The following UNC79 variants were observed in gnomAD, a reference collection of about 807,000 sequenced individuals.
The protein encoded by UNC79 is protein unc-79 homolog.
Under a neutral mutation model 283.1 loss-of-function variants are expected in UNC79, and 37 were observed. That is an observed-to-expected ratio of 0.13 (90% CI 0.10 to 0.17). UNC79 has a LOEUF of 0.17. UNC79 is among the 10% of genes least tolerant of loss of function. The pLI is 1.00. For missense variants in UNC79, 2,272 were observed against 3,211.1 expected (o/e 0.71, Z 7.07); for synonymous variants, 1,107 against 1,200.2 (o/e 0.92, Z 1.61).
chr14:93,591,675 A>G (rs1163976909), intron 22 of UNC79, among the ~76,000 whole-genome samples: 1 of 152,268 alleles, frequency 6.6e-6, no homozygotes, highest in Non-Finnish European at 1.5e-5. Flanking sequence ...CAAGCAATTC[A>G]ACTTTTCCTA....
intron 34 of UNC79, among the ~76,000 whole-genome samples, chr14:93,643,956 CT>C (rs1474136554): frequency 6.6e-6 from 1 of 152,198 alleles, no homozygotes; most frequent in Non-Finnish European, 1.5e-5. Flanking sequence ...TTTGTTACCC[CT>C]GTCACTAAAT....
intron 14 of UNC79, among the ~76,000 whole-genome samples, chr14:93,543,661 G>A (rs1163331992): frequency 2.0e-5 from 3 of 152,128 alleles, no homozygotes; most frequent in Non-Finnish European, 4.4e-5. Flanking sequence ...GAGCTGCTGT[G>A]AGCAGCCCAT....
rs370345013 is a variant in UNC79 at position 93,650,871 on chromosome 14, G to A, written c.6084-2871G>A. Among the ~76,000 whole-genome samples, 21 of 152,178 alleles carry A rather than the reference G, an allele frequency of 1.4e-4. 1 individual carries two copies. In the East Asian group the frequency reaches 3.5e-3, roughly 25 times the overall value. On this transcript the variant is annotated intron_variant, in intron 35 of 48. Coordinates refer to ENST00000555664, the Ensembl canonical transcript of UNC79. ...AAACCTTTGTTTACTTCCAAGTCAT[G>A]CAGATATTCTCTAATGTTTTCTTAT...
intron 29 of UNC79, 137 bp downstream of exon 30, chr14:93,618,491 C>A: frequency 1.9e-6 from 2 of 1,040,162 alleles, no homozygotes; most frequent in Non-Finnish European, 2.6e-6. Context: ...AATTTTCCAA[C>A]TTTCCATGAA....
chr14:93,685,721 G>A (rs970809118), intron 42 of UNC79, among the ~76,000 whole-genome samples: 1 of 152,162 alleles, frequency 6.6e-6, no homozygotes, highest in African/African-American at 2.4e-5. Flanking sequence ...AGCCTGCCTC[G>A]TTTGATCCAC....
At chr14:93,523,270 T>C (rs1326728103) in intron 7 of UNC79, among the ~76,000 whole-genome samples, 1 of 151,988 alleles carries the variant, frequency 6.6e-6, no homozygotes, top group African/African-American at 2.4e-5. Context: ...AGCTTAGGAG[T>C]TGGGTATTAG....
intron 38 of UNC79, among the ~76,000 whole-genome samples, chr14:93,657,956 A>G (rs1454995900): frequency 6.6e-6 from 1 of 152,092 alleles, no homozygotes; most frequent in East Asian, 1.9e-4. Flanking sequence ...TTTTCCCAAG[A>G]GAACATTTTC....
chr14:93,686,807 GC>G (rs1457659262), intron 43 of UNC79, 146 bp downstream of exon 46: 1 of 828,600 alleles, frequency 1.2e-6, no homozygotes, highest in Non-Finnish European at 1.9e-6. Context: ...GGATCAAAGA[GC>G]CAGGGTCCAG....
intron 12 of UNC79, among the ~76,000 whole-genome samples, chr14:93,538,739 G>C (rs1257426151): frequency 1.4e-5 from 2 of 145,402 alleles, no homozygotes; most frequent in African/African-American, 5.1e-5. Flanking sequence ...ACCCTGTGTA[G>C]TCAGACAGGG....
chr14:93,487,712 A>G (rs1951709), exon 5 of UNC79: 1 of 1,614,114 alleles, frequency 6.2e-7, no homozygotes, highest in Non-Finnish European at 8.5e-7. Context: ...ACCTCTCTGC[A>G]TCATCCATGC....
At chr14:93,593,650 T>C in intron 22 of UNC79, 30 bp from the exon 23 acceptor site, 1 of 1,591,516 alleles carries the variant, frequency 6.3e-7, no homozygotes, top group East Asian at 2.3e-5. Context: ...GTGATAACTG[T>C]CACCACTTTG....
At chr14:93,570,116 T>TA (rs1372911365) in intron 14 of UNC79, among the ~76,000 whole-genome samples, 2 of 152,092 alleles carry the variant, frequency 1.3e-5, no homozygotes, top group Admixed American at 6.5e-5. Context: ...CTGGCTAATT[T>TA]AAAAAAATTT....
chr14:93,589,243 A>G (rs1012047342), intron 22 of UNC79, among the ~76,000 whole-genome samples: 3 of 152,098 alleles, frequency 2.0e-5, no homozygotes, highest in African/African-American at 7.2e-5. Flanking sequence ...CAAATGGGCA[A>G]AGGGTTTACT....
chr14:93,633,095 T>C (rs1348145959), intron 31 of UNC79, among the ~76,000 whole-genome samples: 1 of 152,228 alleles, frequency 6.6e-6, no homozygotes, highest in East Asian at 1.9e-4. Flanking sequence ...TAGATGCTGC[T>C]AAGTTTTAAA....
chr14:93,619,816 A>G lies in UNC79; in HGVS notation c.4387+1462A>G, dbSNP rs75152190. Reference sequence around the variant, plus strand: ...TGAGCCTCATTTGTCATATAGGTAGATGTAAATACAGGCCAAACATTATGA... The same window carrying G: ...TGAGCCTCATTTGTCATATAGGTAGGTGTAAATACAGGCCAAACATTATGA... On this transcript the variant is annotated intron_variant, in intron 29 of 48. Transcript: ENST00000555664. 1.2e-3 allele frequency among the ~76,000 whole-genome samples: 187 copies of G among 152,338 alleles called. 1 individual carries two copies. The East Asian group carries it at 0.029, about 23-fold the overall frequency.
chr14:93,586,921 A>G lies in UNC79; in HGVS notation c.3032+13A>G, dbSNP rs2064259271. 6.2e-7 allele frequency: 1 copy of G among 1,611,700 alleles called. No individual in the cohort carries two copies. The highest frequency in any genetic ancestry group is 8.5e-7 in the Non-Finnish European group (1 of 1,179,412). On this transcript the variant is annotated intron_variant, in intron 22 of 48. Transcript: ENST00000555664. ...TGTTGATTGCAAGGTACGTCTTCCT[A>G]ATGGTTTGTTTTGATTGTTTATACA...
chr14:93,507,324 T>A (rs938044273), intron 7 of UNC79, among the ~76,000 whole-genome samples: 4 of 152,242 alleles, frequency 2.6e-5, no homozygotes, highest in African/African-American at 9.6e-5. Flanking sequence ...CTAAAGTGTT[T>A]ATGCCATTTT....
exon 30 of UNC79, chr14:93,622,329 A>G (rs762330251): frequency 6.2e-7 from 1 of 1,614,100 alleles, no homozygotes; most frequent in Non-Finnish European, 8.5e-7. Context: ...TTTTCTTCTA[A>G]GGACTCAGGA....
intron 41 of UNC79, among the ~76,000 whole-genome samples, chr14:93,675,824 T>C (rs1480399671): frequency 6.6e-6 from 1 of 152,198 alleles, no homozygotes; most frequent in Admixed American, 6.5e-5. Context: ...ATGACAGCAA[T>C]GGATGCAGGG....
Sources: allele counts gnomAD v4.1 joint callset (sites outside exome capture counted in the v4.1 genomes callset), GRCh38; gene constraint gnomAD v4.1.1; transcripts MANE v1.5; gene names NCBI Gene and HGNC (gene_info 2026-07-23, HGNC 2026-07-21).